Variants in SLC2A14 observed in about 807,000 individuals in gnomAD.
The protein encoded by SLC2A14 is solute carrier family 2, facilitated glucose transporter member 14.
SLC2A14 carries 13 observed loss-of-function variants against 43.0 expected under a neutral mutation model. The observed-to-expected ratio is 0.30, with a 90% CI of 0.20 to 0.48. The LOEUF (loss-of-function observed/expected upper bound fraction) is 0.48, where lower values mean the gene tolerates loss of function less well. Among genes scored for constraint, SLC2A14 ranks in the 20% least tolerant of loss-of-function variants. The pLI, the probability that SLC2A14 is intolerant of heterozygous loss-of-function variation, is 0.99. For missense variants in SLC2A14, 428 were observed against 620.4 expected, an observed-to-expected ratio of 0.69 and a Z score of 3.29; for synonymous variants, 190 against 233.8, an observed-to-expected ratio of 0.81 and a Z score of 1.71.
intron 1 of SLC2A14, among the ~76,000 whole-genome samples, chr12:7,878,934 G>A (rs962040204): frequency 4.2e-5 from 5 of 119,762 alleles, no homozygotes; most frequent in Non-Finnish European, 8.0e-5. Context: ...CTGAGATCCT[G>A]CCACTGCACT....
At chr12:7,874,391 AG>A (rs572096054), upstream of SLC2A14, among the ~76,000 whole-genome samples, 39 of 151,972 alleles carry the variant, frequency 2.6e-4, no homozygotes, top group Non-Finnish European at 4.9e-4. Context: ...AAGTATATTT[AG>A]GCAGGATGCA....
At chr12:7,875,511 AAAAAAAAATT>A (rs1945448438), upstream of SLC2A14, among the ~76,000 whole-genome samples, 2 of 151,832 alleles carry the variant, frequency 1.3e-5, no homozygotes, top group East Asian at 3.9e-4. Flanking sequence ...CCCTTTCAAA[AAAAAAAAATT>A]AAAAAAAATT....
At chr12:7,817,114 A>T (rs981943163) in intron 10 of SLC2A14, among the ~76,000 whole-genome samples, 2 of 151,844 alleles carry the variant, frequency 1.3e-5, no homozygotes, top group African/African-American at 4.8e-5. Context: ...TATTACTATT[A>T]TTATTATATA....
chr12:7,828,870 GA>G lies in SLC2A14; in HGVS notation c.514-5del. ...GGATGAGTTCCAGACCAAAGATCTAGAAACCACACAAAGATAATGCTATAAA... is the reference window on the plus strand; with the variant it reads ...GGATGAGTTCCAGACCAAAGATCTAGAACCACACAAAGATAATGCTATAAA... On this transcript the variant is annotated splice_region_variant and splice_polypyrimidine_tract_variant and intron_variant, in intron 5 of 10. Coordinates refer to ENST00000431042, the MANE Select transcript of SLC2A14 (RefSeq NM_001286234.2). 6.2e-7 allele frequency: 1 copy of G among 1,612,954 alleles called. No individual in the cohort carries two copies. The highest frequency in any genetic ancestry group is 8.5e-7 in the Non-Finnish European group (1 of 1,179,516).
At position 7,862,039 on chromosome 12, in the gene SLC2A14, G is replaced by C. The variant is rs1944592231; in HGVS notation, c.18+7824C>G. Among the ~76,000 whole-genome samples the C allele has an allele frequency of 1.3e-5, 2 of 151,226 alleles. 1 individual carries two copies. The highest frequency in any genetic ancestry group is 1.3e-4 in the Admixed American group (2 of 15,146). On this transcript the variant is annotated intron_variant, in intron 2 of 10. Transcript: ENST00000431042. ...CCAGCACTTTGGGAGGCCAAGTCAG[G>C]TGGATCACGAGGTGAGGAGTTTGAG...
chr12:7,878,875 G>C (rs758123946), intron 1 of SLC2A14, among the ~76,000 whole-genome samples: 1 of 147,586 alleles, frequency 6.8e-6, no homozygotes, highest in South Asian at 2.1e-4. Flanking sequence ...TACTCAGGAG[G>C]CTGAGGCAGA....
At chr12:7,852,189 G>A (rs907711210) in intron 2 of SLC2A14, among the ~76,000 whole-genome samples, 1 of 152,100 alleles carries the variant, frequency 6.6e-6, no homozygotes, top group South Asian at 2.1e-4. Flanking sequence ...ATGAATAAAC[G>A]TGGGGAAGAG....
intron 2 of SLC2A14, among the ~76,000 whole-genome samples, chr12:7,864,633 C>T (rs908143768): frequency 2.6e-5 from 4 of 152,240 alleles, no homozygotes; most frequent in South Asian, 4.2e-4. Context: ...CCACCGTGCC[C>T]GGCTGAGCTT....
At chr12:7,843,452 GA>G (rs1866169456) in intron 2 of SLC2A14, among the ~76,000 whole-genome samples, 1 of 136,926 alleles carries the variant, frequency 7.3e-6, no homozygotes. Flanking sequence ...ACTCATAAAA[GA>G]AAATGTTAGC....
At chr12:7,891,189 C>G, upstream of SLC2A14, 1 of 1,480,974 alleles carries the variant, frequency 6.8e-7, no homozygotes, top group Non-Finnish European at 9.0e-7. Context: ...GACCCAGGAG[C>G]AGAGTGCAGA....
At chr12:7,818,695 T>TTC (rs1175279288) in intron 9 of SLC2A14, among the ~76,000 whole-genome samples, 1 of 151,558 alleles carries the variant, frequency 6.6e-6, no homozygotes, top group African/African-American at 2.4e-5. Context: ...AAAATACTTT[T>TTC]TTTTTTTTTA....
intron 2 of SLC2A14, among the ~76,000 whole-genome samples, chr12:7,833,714 G>A (rs183860794): frequency 1.5e-3 from 233 of 151,788 alleles, no homozygotes; most frequent in Non-Finnish European, 2.5e-3. Context: ...CCTGAGAGGC[G>A]GAGGTTGCAG....
intron 10 of SLC2A14, 45 bp from the exon 11 acceptor site, chr12:7,814,579 T>C (rs1208256155): frequency 6.3e-7 from 1 of 1,576,748 alleles, no homozygotes; most frequent in Non-Finnish European, 8.6e-7. Context: ...AAAAATCTGG[T>C]CATTGACAAA....
intron 7 of SLC2A14, among the ~76,000 whole-genome samples, chr12:7,825,781 AGAAAG>A (rs1170703863): frequency 1.5e-5 from 2 of 129,218 alleles, no homozygotes; most frequent in Non-Finnish European, 3.2e-5. Flanking sequence ...AAAAAAAAAA[AGAAAG>A]AAAAGAAAAG....
At chr12:7,861,899 T>C (rs1268387847) in intron 2 of SLC2A14, among the ~76,000 whole-genome samples, 1 of 150,438 alleles carries the variant, frequency 6.6e-6, no homozygotes, top group Non-Finnish European at 1.5e-5. Flanking sequence ...GAGGCAGAGG[T>C]TGCAATGAGC....
chr12:7,840,830 A>G (rs192983380), intron 2 of SLC2A14, among the ~76,000 whole-genome samples: 2 of 152,292 alleles, frequency 1.3e-5, no homozygotes, highest in Non-Finnish European at 2.9e-5. Context: ...GAAAAAAAGG[A>G]GTCAAGAATG....
intron 1 of SLC2A14, among the ~76,000 whole-genome samples, chr12:7,888,455 C>T (rs1003328509): frequency 6.6e-6 from 1 of 151,956 alleles, no homozygotes; most frequent in Non-Finnish European, 1.5e-5. Context: ...AAGAAAGATG[C>T]CATTGAATTC....
intron 1 of SLC2A14, among the ~76,000 whole-genome samples, chr12:7,890,358 C>T (rs1251957133): frequency 4.6e-5 from 7 of 152,016 alleles, no homozygotes; most frequent in Non-Finnish European, 1.0e-4. Context: ...TGTTAATTTT[C>T]TGCAATTCCC....
At chr12:7,863,828 T>C (rs1284154918) in intron 2 of SLC2A14, among the ~76,000 whole-genome samples, 1 of 139,378 alleles carries the variant, frequency 7.2e-6, no homozygotes, top group Non-Finnish European at 1.6e-5. Flanking sequence ...TTTTTCTTTT[T>C]TTTTTTTGAG....
Sources: allele counts gnomAD v4.1 joint callset (sites outside exome capture counted in the v4.1 genomes callset), GRCh38; gene constraint gnomAD v4.1.1; transcripts MANE v1.5; gene names NCBI Gene and HGNC (gene_info 2026-07-23, HGNC 2026-07-21).